SLK: variants seen among roughly 807,000 people sequenced by gnomAD.
The protein encoded by SLK is STE20 like kinase.
SLK carries 67 observed loss-of-function variants against 147.7 expected under a neutral mutation model. That is an observed-to-expected ratio of 0.45 (90% confidence interval 0.37 to 0.56). The LOEUF (loss-of-function observed/expected upper bound fraction) is 0.56. Ranked by LOEUF, SLK falls within the 20% of genes least tolerant of loss-of-function variation. The pLI, the probability that SLK is intolerant of heterozygous loss-of-function variation, is 0.00. For synonymous variants in SLK, 441 were observed against 475.0 expected, an observed-to-expected ratio of 0.93 and a Z score of 0.93; for missense variants, 1,136 against 1,438.8, an observed-to-expected ratio of 0.79 and a Z score of 3.41.
intron 18 of SLK, among the ~76,000 whole-genome samples, chr10:104,024,460 C>T (rs1844572740): frequency 1.3e-5 from 2 of 152,200 alleles, no homozygotes; most frequent in Non-Finnish European, 2.9e-5. Flanking sequence ...CTAGCTTCCT[C>T]TCCCACTAGC....
At chr10:103,990,406 G>A (rs1188554130) in intron 1 of SLK, among the ~76,000 whole-genome samples, 4 of 152,172 alleles carry the variant, frequency 2.6e-5, no homozygotes, top group Non-Finnish European at 4.4e-5. Context: ...TGATGGGGGG[G>A]TGGTTATGCA....
rs753296341 is a variant in SLK at position 104,003,450 on chromosome 10, A to G, written c.2272A>G (p.Thr758Ala). 1.5e-5 allele frequency: 24 copies of G among 1,613,030 alleles called. No individual in the cohort carries two copies. The Admixed American group carries it at 3.8e-4, about 26-fold the overall frequency. The change falls in exon 9 of 19, where the codon ACT becomes GCT. Residue 758 changes from threonine (T) to alanine (A), a missense_variant. Physicochemically the swap from Thr to Ala is moderately conservative, Grantham distance 58. Coordinates refer to ENST00000369755, the MANE Select transcript of SLK (RefSeq NM_014720.4). ...TTCAGGCACTGGTTCCACTGCTGATACTAGCAGTATTGACTTGAATTTATC... is the reference window on the plus strand; with the variant it reads ...TTCAGGCACTGGTTCCACTGCTGATGCTAGCAGTATTGACTTGAATTTATC... Reference protein sequence around the residue: ...NDSGTGSTADTSSIDLNLSIS... With the variant: ...NDSGTGSTADASSIDLNLSIS...
chr10:103,972,554 C>G (rs1843806802), intron 1 of SLK, among the ~76,000 whole-genome samples: 1 of 152,052 alleles, frequency 6.6e-6, no homozygotes, highest in South Asian at 2.1e-4. Flanking sequence ...AGCCTGTAGT[C>G]CCAGCTACTC....
chr10:103,989,761 C>A (rs1371877008), intron 1 of SLK, among the ~76,000 whole-genome samples: 22 of 152,176 alleles, frequency 1.4e-4, no homozygotes, highest in Admixed American at 1.4e-3. Flanking sequence ...AGCCACCGCG[C>A]CCGGCCAACA....
chr10:104,023,360 A>C (rs934515464), intron 18 of SLK, among the ~76,000 whole-genome samples: 1 of 152,232 alleles, frequency 6.6e-6, no homozygotes, highest in Non-Finnish European at 1.5e-5. Flanking sequence ...AGTTGTATAG[A>C]GCATGAATTG....
intron 13 of SLK, among the ~76,000 whole-genome samples, chr10:104,016,181 T>A (rs184170906): frequency 6.6e-6 from 1 of 151,602 alleles, no homozygotes; most frequent in Non-Finnish European, 1.5e-5. Context: ...TAGCTGGGCG[T>A]GGTGGTGGGC....
chr10:104,023,806 TA>T (rs1209288648), intron 18 of SLK, among the ~76,000 whole-genome samples: 1 of 152,216 alleles, frequency 6.6e-6, no homozygotes, highest in Non-Finnish European at 1.5e-5. Context: ...ATAAACTCCT[TA>T]AAAGCATGCC....
chr10:103,988,358 T>G (rs1355815018), intron 1 of SLK, among the ~76,000 whole-genome samples: 1 of 152,226 alleles, frequency 6.6e-6, no homozygotes, highest in Non-Finnish European at 1.5e-5. Flanking sequence ...TGGTGTATTC[T>G]GCCACCCTTC....
At chr10:103,977,951 A>G (rs915814304) in intron 1 of SLK, among the ~76,000 whole-genome samples, 6 of 152,164 alleles carry the variant, frequency 3.9e-5, no homozygotes, top group African/African-American at 1.2e-4. Context: ...ATATTTTGCT[A>G]TACTGACTTT....
chr10:103,992,704 G>C, intron 3 of SLK, 58 bp downstream of exon 3: 1 of 1,440,844 alleles, frequency 6.9e-7, no homozygotes, highest in Non-Finnish European at 9.4e-7. Context: ...TAAGATGAAA[G>C]AATTTCAACC....
intron 1 of SLK, among the ~76,000 whole-genome samples, chr10:103,977,180 T>A (rs1441626355): frequency 6.6e-6 from 1 of 152,202 alleles, no homozygotes; most frequent in African/African-American, 2.4e-5. Context: ...CAATGTAGAT[T>A]GCTTTTCATT....
At chr10:103,989,494 A>T (rs1297348800) in intron 1 of SLK, among the ~76,000 whole-genome samples, 2 of 106,368 alleles carry the variant, frequency 1.9e-5, no homozygotes, top group African/African-American at 4.7e-5. Context: ...TTGGAGACAG[A>T]GTCTTGCTCT....
chr10:103,980,091 C>T (rs1843921582), intron 1 of SLK, among the ~76,000 whole-genome samples: 2 of 152,130 alleles, frequency 1.3e-5, no homozygotes, highest in African/African-American at 2.4e-5. Flanking sequence ...GTCCCAGCAC[C>T]ATGTACTTTA....
rs543901982 is a variant in SLK, at chr10:103,999,029, C to A, written c.587+58C>A. ...AGTCATGTCAGCAGTTATAATTACTCATGAATTTTTGTCCACATAATTGAT... is the reference window on the plus strand; with the variant it reads ...AGTCATGTCAGCAGTTATAATTACTAATGAATTTTTGTCCACATAATTGAT... On this transcript the variant is annotated intron_variant, in intron 5 of 18. Transcript: ENST00000369755. 3 of 1,532,642 alleles carry A rather than the reference C, an allele frequency of 2.0e-6. No homozygotes were observed. The South Asian group carries it at 3.5e-5, about 18-fold the overall frequency. The allele number at this position is 1,532,642 out of a possible 1,614,324, so 94.9% of individuals were successfully genotyped here. A position where few individuals can be genotyped will look rare whatever the true frequency, so the allele number is the denominator to read the frequency against.
At chr10:103,994,633 C>T (rs758863391) in intron 4 of SLK, among the ~76,000 whole-genome samples, 18 of 151,914 alleles carry the variant, frequency 1.2e-4, no homozygotes, top group Non-Finnish European at 2.5e-4. Flanking sequence ...TCCAAAGGCC[C>T]CAGTACATGA....
chr10:103,985,787 T>C (rs1844004913), intron 1 of SLK, among the ~76,000 whole-genome samples: 1 of 152,192 alleles, frequency 6.6e-6, no homozygotes, highest in Non-Finnish European at 1.5e-5. Context: ...TAAATGAAGA[T>C]TTAAAAATTA....
In SLK at chr10:104,020,533, C is replaced by T. The variant is rs2134533939; in HGVS notation, c.3367C>T (p.Gln1123Ter). The T allele has an allele frequency of 1.2e-6, 2 of 1,613,656 alleles. No homozygotes were observed. The highest frequency in any genetic ancestry group is 1.7e-6 in the Non-Finnish European group (2 of 1,179,776). Residue 1123 changes from glutamine (Q) to a stop codon, truncating the protein, a stop_gained, in exon 17 of 19, where the codon CAG (glutamine) becomes TAG (stop). Coordinates refer to ENST00000369755, the MANE Select transcript of SLK (RefSeq NM_014720.4). LOFTEE classifies it high-confidence loss of function. ...GAGGCAGAAAAATGAGAGAATGGCT[C>T]AGCATCAGAAACATGAGAATCAAAT... ...EKRQKNERMA[Q>*]HQKHENQMRD...
rs369148949 is a variant in SLK, at chr10:104,013,715, G to A, written c.2877+2807G>A. 9.8e-5 allele frequency among the ~76,000 whole-genome samples: 15 copies of A among 152,296 alleles called. No individual in the cohort carries two copies. The South Asian group carries it at 2.5e-3, about 25-fold the overall frequency. On this transcript the variant is annotated intron_variant, in intron 13 of 18. Coordinates refer to ENST00000369755, the MANE Select transcript of SLK (RefSeq NM_014720.4). Reference sequence around the variant, plus strand: ...CCCAAATGCAGGACGTAAGTCCCACGTGCCTGTGGGAGGATGGCTTCTCCT... The same window carrying A: ...CCCAAATGCAGGACGTAAGTCCCACATGCCTGTGGGAGGATGGCTTCTCCT...
intron 11 of SLK, among the ~76,000 whole-genome samples, chr10:104,006,656 A>G (rs1589540710): frequency 6.6e-6 from 1 of 152,304 alleles, no homozygotes; most frequent in South Asian, 2.1e-4. Context: ...TATCTGCCTT[A>G]ATGTAGGTTA....
Sources: gnomAD v4.1 joint callset for allele counts (sites outside exome capture counted in the v4.1 genomes callset) on GRCh38, gnomAD v4.1.1 for gene constraint, MANE v1.5 for transcripts, NCBI Gene and HGNC (gene_info 2026-07-23, HGNC 2026-07-21) for gene names.